The following FUT8 variants were observed in gnomAD, a reference collection of about 807,000 sequenced individuals.
The protein encoded by FUT8 is alpha-(1,6)-fucosyltransferase.
A neutral mutation model predicts 71.3 loss-of-function variants in FUT8; 29 were observed. The observed-to-expected ratio is 0.41, with a 90% CI of 0.30 to 0.55. FUT8 has a LOEUF of 0.55. Ranked by LOEUF, FUT8 falls within the 20% of genes least tolerant of loss-of-function variation. FUT8 has a pLI of 0.34. For missense variants in FUT8, 544 were observed against 702.1 expected, an observed-to-expected ratio of 0.77 and a Z score of 2.55; for synonymous variants, 254 against 239.3, an observed-to-expected ratio of 1.06 and a Z score of -0.57.
chr14:65,470,998 G>A, intron 2 of FUT8: 1 of 426,708 alleles, frequency 2.3e-6, no homozygotes, highest in East Asian at 7.4e-5. Context: ...TATCTGCCCT[G>A]TTGTCTTTGG....
chr14:65,717,701 T>A (rs1895195770), intron 7 of FUT8, among the ~76,000 whole-genome samples: 1 of 135,800 alleles, frequency 7.4e-6, no homozygotes, highest in Non-Finnish European at 1.5e-5. Flanking sequence ...GCTCCTCACT[T>A]CCCAGACGGG....
intron 10 of FUT8, among the ~76,000 whole-genome samples, chr14:65,738,251 G>A (rs908745624): frequency 9.2e-5 from 14 of 152,082 alleles, no homozygotes; most frequent in African/African-American, 2.9e-4. Flanking sequence ...AAAGTGCACA[G>A]ATCTCTCAGC....
At chr14:65,417,860 A>G (rs1322692314) in intron 1 of FUT8, among the ~76,000 whole-genome samples, 2 of 152,322 alleles carry the variant, frequency 1.3e-5, no homozygotes, top group African/African-American at 2.4e-5. Context: ...AAAGATCACT[A>G]CGAAATGCTC....
At chr14:65,506,817 A>G (rs955132353) in intron 2 of FUT8, among the ~76,000 whole-genome samples, 3 of 152,174 alleles carry the variant, frequency 2.0e-5, no homozygotes, top group Admixed American at 1.3e-4. Flanking sequence ...AAAAATGTAC[A>G]ATTAAATTAT....
Position 65,643,882 on chromosome 14 carries a change from C to T in FUT8, c.597+14276C>T, listed in dbSNP as rs142914416. The stretch of plus-strand genomic sequence containing the variant: ...ATATGTACTTGTTTTAAAGTTATTT[C>T]GAAAGTAATTTTCTCTTTCTAGAAA... On this transcript the variant is annotated intron_variant, in intron 6 of 10. Transcript: ENST00000673929. The surrounding 1 kb of genome is among the most constrained non-coding windows in gnomAD (Gnocchi z 4.5). 8.4e-4 allele frequency among the ~76,000 whole-genome samples: 128 copies of T among 152,090 alleles called. No individual in the cohort carries two copies. The highest frequency in any genetic ancestry group is 2.9e-3 in the African/African-American group (119 of 41,490).
the FUT8 span, among the ~76,000 whole-genome samples, chr14:65,368,017 TA>T: frequency 3.4e-5 from 5 of 147,582 alleles, no homozygotes; most frequent in South Asian, 2.1e-4. Flanking sequence ...AGTAACCACT[TA>T]AAAAAAAAGT....
At position 65,717,501 on chromosome 14, in the gene FUT8, C is replaced by T. The variant is rs184076767; in HGVS notation, c.836-4274C>T. Among the ~76,000 whole-genome samples, 926 of 124,978 alleles carry T rather than the reference C, an allele frequency of 7.4e-3. 12 individuals are homozygous for T. The highest frequency in any genetic ancestry group is 0.028 in the African/African-American group (875 of 31,708). 82.0% of individuals were successfully genotyped at this position (124,978 alleles called of 152,430 possible). A position where few individuals can be genotyped will look rare whatever the true frequency, so the allele number is the denominator to read the frequency against. ...CCTAGACGGGGCGGCCGGGCAGAGG[C>T]GCTCCTCACCTCCCAGACGAAGGGC... On this transcript the variant is annotated intron_variant, in intron 7 of 10. Coordinates refer to ENST00000673929, the MANE Select transcript of FUT8 (RefSeq NM_001371533.1).
chr14:65,546,663 A>G (rs1333730579), intron 2 of FUT8, among the ~76,000 whole-genome samples: 1 of 151,876 alleles, frequency 6.6e-6, no homozygotes, highest in Non-Finnish European at 1.5e-5. Context: ...ATGGACATAC[A>G]TCTTAAGTTC....
chr14:65,372,295 C>T, the FUT8 span, among the ~76,000 whole-genome samples: 4 of 152,102 alleles, frequency 2.6e-5, no homozygotes, highest in East Asian at 1.9e-4. Flanking sequence ...TATCTTCCAA[C>T]GCTTCTAGTA....
intron 2 of FUT8, among the ~76,000 whole-genome samples, chr14:65,473,910 T>C (rs1281116776): frequency 6.6e-6 from 1 of 152,176 alleles, no homozygotes; most frequent in Non-Finnish European, 1.5e-5. Context: ...TAGAGGATTG[T>C]TTTAAGCATT....
chr14:65,617,331 A>G (rs1445340717), intron 5 of FUT8: 4 of 968,846 alleles, frequency 4.1e-6, no homozygotes, highest in Non-Finnish European at 5.7e-6. Flanking sequence ...CAGAAATATG[A>G]TAGCATGGAT....
intron 6 of FUT8, among the ~76,000 whole-genome samples, chr14:65,668,918 C>T (rs1302904578): frequency 1.3e-5 from 2 of 152,040 alleles, no homozygotes; most frequent in Non-Finnish European, 2.9e-5. Context: ...CCTAAGCAAA[C>T]TAATGCAGGA....
chr14:65,566,061 A>G (rs1438797190), intron 3 of FUT8, among the ~76,000 whole-genome samples: 1 of 151,932 alleles, frequency 6.6e-6, no homozygotes, highest in Non-Finnish European at 1.5e-5. Flanking sequence ...TCTAATTATA[A>G]ATAGGGTCAC....
intron 2 of FUT8, among the ~76,000 whole-genome samples, chr14:65,460,386 GC>G (rs1328996288): frequency 6.6e-6 from 1 of 152,192 alleles, no homozygotes; most frequent in African/African-American, 2.4e-5. Context: ...AAAAGGTTGG[GC>G]ATATTTGCTT....
chr14:65,595,009 C>A (rs1471043408), intron 3 of FUT8, among the ~76,000 whole-genome samples: 1 of 152,092 alleles, frequency 6.6e-6, no homozygotes, highest in Non-Finnish European at 1.5e-5. Flanking sequence ...CTTTGGGCCA[C>A]CGATTTCAGA....
the FUT8 span, among the ~76,000 whole-genome samples, chr14:65,370,976 C>T: frequency 8.5e-5 from 13 of 152,050 alleles, no homozygotes; most frequent in South Asian, 8.3e-4. Flanking sequence ...AATATATGGG[C>T]GAAATTCCTG....
At chr14:65,384,958 C>T in the FUT8 span, among the ~76,000 whole-genome samples, 1 of 150,664 alleles carries the variant, frequency 6.6e-6, no homozygotes, top group Non-Finnish European at 1.5e-5. This position sits in a 1 kb window ranked among gnomAD's most constrained non-coding sequence, Gnocchi z 4.2. Context: ...ATGGCATGAT[C>T]TCAGCTCACC....
At chr14:65,474,118 A>G (rs776773252) in intron 2 of FUT8, among the ~76,000 whole-genome samples, 3 of 152,106 alleles carry the variant, frequency 2.0e-5, no homozygotes, top group Non-Finnish European at 2.9e-5. Context: ...ACAGAATAGT[A>G]AAATAGACTT....
intron 10 of FUT8, among the ~76,000 whole-genome samples, chr14:65,741,509 A>G (rs1056375450): frequency 6.6e-6 from 1 of 152,066 alleles, no homozygotes; most frequent in African/African-American, 2.4e-5. Flanking sequence ...TGGCACATGT[A>G]TACATATGTA....
Sources: allele counts gnomAD v4.1 joint callset (sites outside exome capture counted in the v4.1 genomes callset), GRCh38; gene constraint gnomAD v4.1.1; non-coding constraint Gnocchi (gnomAD v3.1); transcripts MANE v1.5; gene names NCBI Gene and HGNC (gene_info 2026-07-23, HGNC 2026-07-21).